Variants in TMEM156 observed in about 807,000 individuals in gnomAD.
TMEM156 encodes the protein transmembrane protein 156.
A neutral mutation model predicts 30.5 loss-of-function variants in TMEM156; 28 were observed. The ratio of observed to expected loss-of-function variants is 0.92; its 90% CI spans 0.68 to 1.26. The LOEUF (loss-of-function observed/expected upper bound fraction) is 1.26, where lower values mean the gene tolerates loss of function less well. Among genes scored for constraint, TMEM156 ranks in the 50% most tolerant of loss-of-function variants. The pLI is 0.00. For missense variants in TMEM156, 351 were observed against 340.6 expected, an observed-to-expected ratio of 1.03 and a Z score of -0.24; for synonymous variants, 137 against 119.9, an observed-to-expected ratio of 1.14 and a Z score of -0.93.
intron 5 of TMEM156, among the ~76,000 whole-genome samples, chr4:38,974,069 G>T (rs1722733009): frequency 6.6e-6 from 1 of 151,696 alleles, no homozygotes; most frequent in African/African-American, 2.4e-5. Flanking sequence ...GTGTGTGTGT[G>T]TGTGTGTGTG....
intron 1 of TMEM156, among the ~76,000 whole-genome samples, chr4:39,002,350 G>C (rs1713424784): frequency 6.6e-6 from 1 of 151,798 alleles, no homozygotes; most frequent in Non-Finnish European, 1.5e-5. Flanking sequence ...TCTCACACCA[G>C]TTAGAAAGGC....
intron 1 of TMEM156, among the ~76,000 whole-genome samples, chr4:39,002,785 C>CA (rs902804872): frequency 2.0e-5 from 3 of 147,998 alleles, no homozygotes; most frequent in Non-Finnish European, 3.0e-5. Context: ...ATTGCAAGAA[C>CA]AAAAAACCAA....
intron 5 of TMEM156, among the ~76,000 whole-genome samples, chr4:38,974,243 C>T (rs1214188277): frequency 7.0e-6 from 1 of 142,344 alleles, no homozygotes; most frequent in African/African-American, 2.6e-5. Flanking sequence ...CTTGCACTGT[C>T]ACCCAGGTTG....
chr4:39,005,223 C>A (rs1306151784), intron 1 of TMEM156, among the ~76,000 whole-genome samples: 1 of 152,166 alleles, frequency 6.6e-6, no homozygotes, highest in Admixed American at 6.5e-5. Context: ...TTGTAATGTA[C>A]GATTCGGCTT....
At chr4:39,023,578 C>T (rs946936975) in intron 1 of TMEM156, among the ~76,000 whole-genome samples, 2 of 152,128 alleles carry the variant, frequency 1.3e-5, no homozygotes, top group East Asian at 1.9e-4. Flanking sequence ...CATGGTGGCT[C>T]ACGCCTGTAA....
At chr4:39,020,845 G>C (rs900429214) in intron 1 of TMEM156, among the ~76,000 whole-genome samples, 1 of 152,116 alleles carries the variant, frequency 6.6e-6, no homozygotes, top group African/African-American at 2.4e-5. Context: ...ACCGCACCCA[G>C]CCTAATTTTG....
At position 38,988,918 on chromosome 4, in the gene TMEM156, A is replaced by G. The variant is rs1208999249; in HGVS notation, c.672T>C (p.Phe224=). 3 of 1,613,584 alleles carry G rather than the reference A, an allele frequency of 1.9e-6. No homozygotes were observed. The highest frequency in any genetic ancestry group is 2.5e-6 in the Non-Finnish European group (3 of 1,179,542). The change falls in exon 4 of 7, where the codon TTT becomes TTC. Residue 224 remains phenylalanine, a synonymous_variant. Transcript: ENST00000381938. The part of the protein sequence containing the change: ...ITWYILVLLV[F]IFLIILTIRK... ...GGATAGTGAGGATGATCAAAAATAT[A>G]AAAACTAATAGAACTAAAATATACC... is the stretch of plus-strand genomic sequence containing the variant.
intron 6 of TMEM156, among the ~76,000 whole-genome samples, chr4:38,970,195 T>C (rs2109852063): frequency 6.6e-6 from 1 of 152,170 alleles, no homozygotes; most frequent in African/African-American, 2.4e-5. Context: ...TGTCTCTGTC[T>C]CTGTCTCTCT....
At chr4:39,015,626 T>C (rs1209496739) in intron 1 of TMEM156, among the ~76,000 whole-genome samples, 1 of 152,262 alleles carries the variant, frequency 6.6e-6, no homozygotes, top group Non-Finnish European at 1.5e-5. Flanking sequence ...ACAATACATT[T>C]GTGTCATTTT....
intron 3 of TMEM156, among the ~76,000 whole-genome samples, chr4:38,992,694 T>TATATATTATATA (rs1229967595): frequency 4.5e-5 from 2 of 43,966 alleles, no homozygotes; most frequent in African/African-American, 1.7e-4. Context: ...ATATAATATA[T>TATATATTATATA]TATATAATAT....
chr4:38,995,151 T>C (rs1712839973), intron 2 of TMEM156, among the ~76,000 whole-genome samples: 1 of 152,206 alleles, frequency 6.6e-6, no homozygotes. Context: ...TGTCCATGTC[T>C]CTGTGTCCAA....
Position 39,032,273 on chromosome 4 carries a change from A to G in TMEM156, c.41T>C (p.Val14Ala). Residue 14 changes from valine to alanine, a missense_variant, in exon 1 of 7, where the codon GTG becomes GCG. Physicochemically the swap from Val to Ala is moderately conservative, Grantham distance 64. Transcript: ENST00000381938. ...CGGCAAAATTAAAATGAATGTGATC[A>G]CTATTGCCACAAATAATTTAAGGAG... ...TALLKLFVAI[V>A]ITFILILPEY... 6.2e-7 allele frequency: 1 copy of G among 1,610,494 alleles called. No homozygotes were observed. The highest frequency in any genetic ancestry group is 8.5e-7 in the Non-Finnish European group (1 of 1,177,970).
At position 39,019,039 on chromosome 4, in the gene TMEM156, A is replaced by C. The variant is rs929812956; in HGVS notation, c.88+13187T>G. On this transcript the variant is annotated intron_variant, in intron 1 of 6. Coordinates refer to ENST00000381938, the MANE Select transcript of TMEM156 (RefSeq NM_024943.3). The stretch of plus-strand genomic sequence containing the variant: ...CCATCTTAAAAAAACAAAACAAAAA[A>C]AAAAAAAAAACCTCTTCAGTTTTCA... 3.2e-3 allele frequency among the ~76,000 whole-genome samples: 493 copies of C among 151,822 alleles called. 10 individuals are homozygous for C. The highest frequency in any genetic ancestry group is 0.011 in the African/African-American group (461 of 41,358).
intron 1 of TMEM156, among the ~76,000 whole-genome samples, chr4:39,007,317 G>C (rs1294332242): frequency 6.6e-6 from 1 of 152,184 alleles, no homozygotes; most frequent in Non-Finnish European, 1.5e-5. Context: ...TTGTTAAGTG[G>C]TGAAGTACCC....
chr4:38,984,365 G>A (rs1283400708), intron 5 of TMEM156, among the ~76,000 whole-genome samples: 1 of 151,624 alleles, frequency 6.6e-6, no homozygotes, highest in East Asian at 1.9e-4. Context: ...GTGTGTGTGT[G>A]TGTGTGTGTG....
chr4:38,999,585 A>G (rs1298637514), intron 1 of TMEM156, among the ~76,000 whole-genome samples: 1 of 152,210 alleles, frequency 6.6e-6, no homozygotes, highest in African/African-American at 2.4e-5. Flanking sequence ...ACAAATTTCC[A>G]CAACCTTGGT....
At chr4:38,994,742 G>A (rs1251745490) in intron 2 of TMEM156, among the ~76,000 whole-genome samples, 1 of 152,100 alleles carries the variant, frequency 6.6e-6, no homozygotes, top group East Asian at 1.9e-4. Flanking sequence ...GAGGTCAGGG[G>A]TTCGAGACCA....
At chr4:39,017,570 T>C (rs1283053214) in intron 1 of TMEM156, among the ~76,000 whole-genome samples, 1 of 152,204 alleles carries the variant, frequency 6.6e-6, no homozygotes, top group East Asian at 1.9e-4. Context: ...ACTAGCTATT[T>C]GAATTGTTTG....
At chr4:39,027,744 T>C (rs13144699) in intron 1 of TMEM156, among the ~76,000 whole-genome samples, 1 of 133,728 alleles carries the variant, frequency 7.5e-6, no homozygotes, top group East Asian at 2.1e-4. Flanking sequence ...TTTCTTTCTG[T>C]CTTTTTTCTT....
Sources: gnomAD v4.1 joint callset for allele counts (sites outside exome capture counted in the v4.1 genomes callset) on GRCh38, gnomAD v4.1.1 for gene constraint, MANE v1.5 for transcripts, NCBI Gene and HGNC (gene_info 2026-07-23, HGNC 2026-07-21) for gene names.